Variants in PCDH15 observed in about 807,000 individuals in gnomAD.
PCDH15 encodes the protein protocadherin related 15, also known as protocadherin-15.
In PCDH15, 129 loss-of-function variants were observed where a neutral mutation model predicts 178.5. The ratio of observed to expected loss-of-function variants is 0.72; its 90% CI spans 0.63 to 0.84. The LOEUF is 0.84. PCDH15 is among the 40% of genes least tolerant of loss of function. The pLI, the probability that PCDH15 is intolerant of heterozygous loss-of-function variation, is 0.00. For missense variants in PCDH15, 2,230 were observed against 2,099.9 expected (o/e 1.06, Z -1.21); for synonymous variants, 800 against 732.0 (o/e 1.09, Z -1.50).
rs115526855 is a variant in PCDH15 at position 55,493,065 on chromosome 10, A to G, written c.-156+134560T>C. Among the ~76,000 whole-genome samples, 915 of 151,858 alleles carry G rather than the reference A, an allele frequency of 6.0e-3. 9 individuals are homozygous for G. The highest frequency in any genetic ancestry group is 0.021 in the African/African-American group (882 of 41,478). ...ACAGAGCTTCAGAGAAATGCGGTAT[A>G]CCAGTAAGTGTTGCAACATGATATG... is the stretch of plus-strand genomic sequence containing the variant. On this transcript the variant is annotated intron_variant, in intron 2 of 5. Transcript: ENST00000613346.
intron 2 of PCDH15, among the ~76,000 whole-genome samples, chr10:55,574,454 A>C (rs2132113091): frequency 6.6e-6 from 1 of 152,108 alleles, no homozygotes; most frequent in Non-Finnish European, 1.5e-5. Flanking sequence ...TAGAACTATC[A>C]ATGAATATCA....
chr10:55,215,053 C>A (rs1368762260), intron 1 of PCDH15, among the ~76,000 whole-genome samples: 1 of 151,968 alleles, frequency 6.6e-6, no homozygotes, highest in Non-Finnish European at 1.5e-5. Context: ...ATTGTGAATT[C>A]TTATGTAGGA....
intron 15 of PCDH15, among the ~76,000 whole-genome samples, chr10:54,100,080 C>T (rs2094780863): frequency 6.6e-6 from 1 of 152,014 alleles, no homozygotes; most frequent in African/African-American, 2.4e-5. Flanking sequence ...GAAGGTATTG[C>T]TCAGTGGTCG....
At chr10:55,532,616 G>T (rs1841478781) in intron 2 of PCDH15, among the ~76,000 whole-genome samples, 1 of 152,062 alleles carries the variant, frequency 6.6e-6, no homozygotes, top group African/African-American at 2.4e-5. Flanking sequence ...ACCCAGATAT[G>T]CTGGATGAAG....
intron 2 of PCDH15, among the ~76,000 whole-genome samples, chr10:55,159,485 A>C (rs1304250418): frequency 1.3e-5 from 2 of 149,624 alleles, no homozygotes; most frequent in African/African-American, 4.9e-5. Context: ...ATGTACACAC[A>C]CACATACACA....
intron 2 of PCDH15, among the ~76,000 whole-genome samples, chr10:54,552,540 C>T (rs781696731): frequency 2.0e-5 from 3 of 152,168 alleles, no homozygotes; most frequent in Non-Finnish European, 2.9e-5. Context: ...TGAAACCTAG[C>T]TCATGGCTCC....
intron 2 of PCDH15, among the ~76,000 whole-genome samples, chr10:54,661,555 T>C (rs1051320259): frequency 1.4e-4 from 22 of 151,810 alleles, no homozygotes; most frequent in Non-Finnish European, 4.4e-5. Flanking sequence ...AAAAAAATTC[T>C]AAAATACATA....
rs537444757 is a variant in PCDH15, at chr10:55,058,743, C to A, written c.-80+107833G>T. Among the ~76,000 whole-genome samples the A allele has an allele frequency of 7.9e-5, 12 of 152,176 alleles. No individual in the cohort carries two copies. In the East Asian group the frequency reaches 2.3e-3, roughly 29 times the overall value. On this transcript the variant is annotated intron_variant, in intron 2 of 5. Transcript: ENST00000458638. ...TATTCTCTCCTATATCATATTGCAT[C>A]GTGTGTGTTCTAGAAAGGTCACTTA...
chr10:54,167,539 G>A (rs530239496), intron 13 of PCDH15, among the ~76,000 whole-genome samples: 7 of 151,984 alleles, frequency 4.6e-5, no homozygotes, highest in South Asian at 2.1e-4. Flanking sequence ...ACACAGGGAC[G>A]CCTGCCTTGG....
At chr10:55,383,974 C>T (rs577846049) in intron 2 of PCDH15, among the ~76,000 whole-genome samples, 120 of 152,212 alleles carry the variant, frequency 7.9e-4, no homozygotes, top group Non-Finnish European at 1.4e-3. Context: ...AAAGAGAACA[C>T]AAGTAGCTAT....
chr10:54,621,478 G>A (rs1457807689), intron 2 of PCDH15, among the ~76,000 whole-genome samples: 1 of 151,880 alleles, frequency 6.6e-6, no homozygotes, highest in Non-Finnish European at 1.5e-5. Flanking sequence ...CCGTTGTTCT[G>A]AATTGTCTTA....
intron 1 of PCDH15, among the ~76,000 whole-genome samples, chr10:55,198,425 T>C (rs976609879): frequency 6.6e-6 from 1 of 152,168 alleles, no homozygotes; most frequent in African/African-American, 2.4e-5. Context: ...TTAAAAGTGC[T>C]GTTTTAAAAG....
upstream of PCDH15, among the ~76,000 whole-genome samples, chr10:55,319,989 G>C (rs1843846320): frequency 6.6e-6 from 1 of 152,064 alleles, no homozygotes; most frequent in Admixed American, 6.5e-5. Flanking sequence ...GAGTATCCCT[G>C]TCTGCTGGCC....
chr10:55,193,620 C>A (rs1785934682), intron 1 of PCDH15, among the ~76,000 whole-genome samples: 1 of 151,784 alleles, frequency 6.6e-6, no homozygotes. Context: ...TTTAATAATT[C>A]AATAAATTAA....
intron 2 of PCDH15, among the ~76,000 whole-genome samples, chr10:55,099,910 A>G (rs2132044735): frequency 6.6e-6 from 1 of 152,262 alleles, no homozygotes; most frequent in Non-Finnish European, 1.5e-5. Context: ...CAAACAGAAG[A>G]GATAATGAAT....
intron 25 of PCDH15, among the ~76,000 whole-genome samples, chr10:53,906,034 A>G (rs1223329727): frequency 1.3e-5 from 2 of 152,038 alleles, no homozygotes; most frequent in African/African-American, 4.8e-5. Flanking sequence ...TCTTTTCACA[A>G]AAGAGAAACA....
At chr10:54,377,918 A>T (rs968811296) in intron 4 of PCDH15, among the ~76,000 whole-genome samples, 2 of 151,904 alleles carry the variant, frequency 1.3e-5, no homozygotes, top group African/African-American at 2.4e-5. Flanking sequence ...CTACGTTGGT[A>T]ATTTAGCAAT....
At chr10:54,658,909 ATGAT>A (rs1295458937) in intron 2 of PCDH15, among the ~76,000 whole-genome samples, 1 of 152,162 alleles carries the variant, frequency 6.6e-6, no homozygotes, top group Non-Finnish European at 1.5e-5. Flanking sequence ...CTACTGTGTA[ATGAT>A]ATCCACAGCC....
chr10:54,442,456 A>G (rs1017483759), intron 3 of PCDH15, among the ~76,000 whole-genome samples: 1 of 105,586 alleles, frequency 9.5e-6, no homozygotes, highest in African/African-American at 4.0e-5. Context: ...ATATATATAT[A>G]TATACAGTCT....
Sources: gnomAD v4.1 joint callset for allele counts (sites outside exome capture counted in the v4.1 genomes callset) on GRCh38, gnomAD v4.1.1 for gene constraint, MANE v1.5 for transcripts, NCBI Gene and HGNC (gene_info 2026-07-23, HGNC 2026-07-21) for gene names.